The following PPFIBP2 variants were observed in gnomAD, a reference collection of about 807,000 sequenced individuals.
The protein encoded by PPFIBP2 is PPFIB scaffold protein 2, also known as liprin-beta-2.
Under a neutral mutation model 118.3 loss-of-function variants are expected in PPFIBP2, and 118 were observed. The observed-to-expected ratio is 1.00, with a 90% CI of 0.86 to 1.16. The LOEUF (loss-of-function observed/expected upper bound fraction) is 1.16, where lower values mean the gene tolerates loss of function less well. Ranked by LOEUF, PPFIBP2 falls within the 50% of genes most tolerant of loss-of-function variation. The pLI is 0.00. For synonymous variants in PPFIBP2, 414 were observed against 397.4 expected (o/e 1.04, Z -0.50); for missense variants, 1,195 against 1,073.1 (o/e 1.11, Z -1.59).
Position 7,639,817 on chromosome 11 carries a change from C to T in PPFIBP2, c.1322C>T (p.Ser441Phe). The change falls in exon 15 of 24, where the codon TCT (serine) becomes TTT (phenylalanine). Residue 441 changes from serine to phenylalanine, a missense_variant. By Grantham distance (155) the Ser-to-Phe change is radical. Coordinates refer to ENST00000299492, the MANE Select transcript of PPFIBP2 (RefSeq NM_003621.5). The part of the protein sequence containing the change: ...GATPNGEAAK[S>F]PPTICQPDAT... ...ACGCCCAATGGAGAGGCTGCCAAAT[C>T]TCCTCCCACCATCTGCCAGCCTGAC... 6.7e-7 allele frequency: 1 copy of T among 1,489,136 alleles called. No homozygotes were observed. The highest frequency in any genetic ancestry group is 9.2e-7 in the Non-Finnish European group (1 of 1,088,830). The allele number at this position is 1,489,136 out of a possible 1,614,324, so 92.2% of individuals were successfully genotyped here.
At chr11:7,576,261 G>C (rs1564992050) in intron 3 of PPFIBP2, 1 of 152,312 alleles carries the variant, frequency 6.6e-6, no homozygotes, top group African/African-American at 2.4e-5. Flanking sequence ...TCGGGGCCTT[G>C]CGTGTAACCA....
intron 1 of PPFIBP2, among the ~76,000 whole-genome samples, chr11:7,528,080 A>G (rs926978764): frequency 6.6e-6 from 1 of 152,132 alleles, no homozygotes; most frequent in African/African-American, 2.4e-5. Flanking sequence ...CCTGACCCCA[A>G]ACTCTGTTCT....
chr11:7,667,048 C>A, the PPFIBP2 span: 1 of 152,400 alleles, frequency 6.6e-6, no homozygotes, highest in Non-Finnish European at 1.5e-5. Flanking sequence ...GAACCAAAGC[C>A]AAAAATAACC....
At chr11:7,517,324 G>T (rs1849312344) in intron 1 of PPFIBP2, among the ~76,000 whole-genome samples, 1 of 152,146 alleles carries the variant, frequency 6.6e-6, no homozygotes. Context: ...GGTCTTTAAG[G>T]GTAATGTGGA....
intron 5 of PPFIBP2, among the ~76,000 whole-genome samples, chr11:7,600,935 A>C (rs1861316386): frequency 6.6e-6 from 1 of 152,212 alleles, no homozygotes; most frequent in African/African-American, 2.4e-5. Context: ...CCTATAGGTC[A>C]AGCCTGGCCT....
intron 5 of PPFIBP2, among the ~76,000 whole-genome samples, chr11:7,604,663 G>A (rs1472731075): frequency 3.9e-5 from 6 of 152,180 alleles, no homozygotes; most frequent in African/African-American, 1.4e-4. Flanking sequence ...AGCTTTGAGG[G>A]CAAGGTCAAG....
chr11:7,646,861 G>T (rs527247238), intron 17 of PPFIBP2, among the ~76,000 whole-genome samples: 6 of 152,110 alleles, frequency 3.9e-5, no homozygotes, highest in Non-Finnish European at 8.8e-5. Context: ...TCTAGATTTT[G>T]TGATTTTTTT....
chr11:7,537,215 A>G (rs1409439855), intron 1 of PPFIBP2, among the ~76,000 whole-genome samples: 3 of 152,212 alleles, frequency 2.0e-5, no homozygotes, highest in Non-Finnish European at 4.4e-5. Flanking sequence ...ATTCGCTGTC[A>G]CTATTCCCCT....
chr11:7,549,779 A>G (rs72849041), intron 2 of PPFIBP2, among the ~76,000 whole-genome samples: 7,478 of 152,114 alleles, frequency 0.049, 234 homozygotes, highest in African/African-American at 0.1. Flanking sequence ...TGTACCTACC[A>G]TCTACCGTCT....
chr11:7,652,207 C>T lies in PPFIBP2; in HGVS notation c.2436+363C>T, dbSNP rs532671694. Among the ~76,000 whole-genome samples the T allele has an allele frequency of 1.1e-4, 17 of 152,356 alleles. No individual in the cohort carries two copies. The South Asian group carries it at 1.9e-3, about 17-fold the overall frequency. On this transcript the variant is annotated intron_variant, in intron 23 of 23. Transcript: ENST00000299492. ...CAGGCCTGCCTGCGTGCCGCAATGC[C>T]GTGGGATCTTGGTCAAAGCTGTCCT...
Position 7,653,265 on chromosome 11 carries a change from A to G in PPFIBP2, c.*47A>G. ...GTGCACCCTGAGAGCTCACAGTAAC[A>G]CTGTGTGTGTCACCATATAACTGCA... is the stretch of plus-strand genomic sequence containing the variant. On this transcript the variant is annotated 3_prime_UTR_variant, in exon 24 of 24. Transcript: ENST00000299492. 1 of 1,610,674 alleles carries G rather than the reference A, an allele frequency of 6.2e-7. No individual in the cohort carries two copies. Among genetic ancestry groups the G allele is most frequent in the Non-Finnish European group, 8.5e-7 (1 of 1,179,086 alleles).
chr11:7,666,218 G>A, the PPFIBP2 span: 6 of 514,196 alleles, frequency 1.2e-5, no homozygotes, highest in East Asian at 2.9e-5. Context: ...TCAGTGCAGC[G>A]TGAGGTGCTG....
At chr11:7,599,209 A>G (rs1157813564) in intron 5 of PPFIBP2, among the ~76,000 whole-genome samples, 1 of 151,974 alleles carries the variant, frequency 6.6e-6, no homozygotes, top group Non-Finnish European at 1.5e-5. Context: ...GCAGAAAACA[A>G]CCTACTAGAT....
At chr11:7,650,675 C>G (rs1468903529) in intron 21 of PPFIBP2, 165 bp from the exon 22 acceptor site, 4 of 552,838 alleles carry the variant, frequency 7.2e-6, no homozygotes, top group African/African-American at 1.9e-5. Context: ...TTCCTAGAAA[C>G]TGGGGAGGCT....
chr11:7,662,034 T>A (rs545251134), downstream of PPFIBP2, among the ~76,000 whole-genome samples: 1 of 139,922 alleles, frequency 7.1e-6, no homozygotes, highest in Non-Finnish European at 1.5e-5. Context: ...TTTGAGCCTA[T>A]GTGTGTCTCT....
At chr11:7,640,567 T>C (rs61888794) in intron 15 of PPFIBP2, among the ~76,000 whole-genome samples, 11,999 of 152,334 alleles carry the variant, frequency 0.079, 637 homozygotes, top group Non-Finnish European at 0.12. Context: ...TTCCCTGAGC[T>C]GGCCCATGCA....
At chr11:7,642,210 C>A in intron 16 of PPFIBP2, 88 bp from the exon 17 acceptor site, 1 of 1,513,528 alleles carries the variant, frequency 6.6e-7, no homozygotes, top group Non-Finnish European at 9.0e-7. Flanking sequence ...CCTGTGCTGG[C>A]CTGCATGGCC....
intron 16 of PPFIBP2, 56 bp from the exon 17 acceptor site, chr11:7,642,242 G>T: frequency 6.3e-7 from 1 of 1,599,104 alleles, no homozygotes; most frequent in South Asian, 1.1e-5. Context: ...GAAGCACAGT[G>T]ACTGTAGGCT....
Position 7,649,176 on chromosome 11 carries a change from T to C in PPFIBP2, c.1939T>C (p.Tyr647His). The C allele has an allele frequency of 1.9e-6, 3 of 1,614,140 alleles. No homozygotes were observed. Among genetic ancestry groups the C allele is most frequent in the Non-Finnish European group, 2.5e-6 (3 of 1,179,972 alleles). Residue 647 changes from tyrosine (Y) to histidine (H), a missense_variant, in exon 20 of 24, where the codon TAC becomes CAC. Tyr to His is a moderately conservative substitution (Grantham distance 83). Coordinates refer to ENST00000299492, the MANE Select transcript of PPFIBP2 (RefSeq NM_003621.5). Reference sequence around the variant, plus strand: ...GCTTGATGATATTGGCTTACCCCAGTACAAAGACCAGTTTCATGAATCTAG... The same window carrying C: ...GCTTGATGATATTGGCTTACCCCAGCACAAAGACCAGTTTCATGAATCTAG... ...RWLDDIGLPQ[Y>H]KDQFHESRVD...
Sources: gnomAD v4.1 joint callset for allele counts (sites outside exome capture counted in the v4.1 genomes callset) on GRCh38, gnomAD v4.1.1 for gene constraint, MANE v1.5 for transcripts, NCBI Gene and HGNC (gene_info 2026-07-23, HGNC 2026-07-21) for gene names.